The following MMP16 variants were observed in gnomAD, a reference collection of about 807,000 sequenced individuals.
The protein encoded by MMP16 is matrix metallopeptidase 16, also known as matrix metalloproteinase-16.
A neutral mutation model predicts 67.8 loss-of-function variants in MMP16; 12 were observed. The observed-to-expected ratio is 0.18, with a 90% CI of 0.11 to 0.29. The LOEUF is 0.29. MMP16 is among the 10% of genes least tolerant of loss of function. The pLI is 1.00. For synonymous variants in MMP16, 249 were observed against 255.9 expected, an observed-to-expected ratio of 0.97 and a Z score of 0.26; for missense variants, 475 against 765.7, an observed-to-expected ratio of 0.62 and a Z score of 4.48.
At chr8:88,237,598 G>A (rs938913024) in intron 1 of MMP16, among the ~76,000 whole-genome samples, 2 of 151,898 alleles carry the variant, frequency 1.3e-5, no homozygotes, top group Admixed American at 1.3e-4. Flanking sequence ...GCGGTGAACC[G>A]AGATCGCGCC....
chr8:88,044,825 C>T (rs1808178307), intron 9 of MMP16, among the ~76,000 whole-genome samples: 2 of 152,186 alleles, frequency 1.3e-5, no homozygotes, highest in African/African-American at 4.8e-5. Flanking sequence ...TGCTATTTAA[C>T]ACATGTGGAT....
intron 1 of MMP16, among the ~76,000 whole-genome samples, chr8:88,215,262 G>A (rs1262961676): frequency 3.3e-5 from 5 of 151,926 alleles, no homozygotes; most frequent in African/African-American, 1.2e-4. Context: ...CCCAGGAGGC[G>A]GAGGTTGCAG....
intron 1 of MMP16, among the ~76,000 whole-genome samples, chr8:88,326,324 G>A (rs1312608865): frequency 1.3e-5 from 2 of 152,086 alleles, no homozygotes; most frequent in Non-Finnish European, 2.9e-5. Context: ...GCTTTGTGCC[G>A]TCTGTTCCCA....
At position 88,124,668 on chromosome 8, in the gene MMP16, A is replaced by T. The variant is rs141817741; in HGVS notation, c.710-5807T>A. Among the ~76,000 whole-genome samples, 116 of 152,056 alleles carry T rather than the reference A, an allele frequency of 7.6e-4. 1 individual carries two copies. Among genetic ancestry groups the T allele is most frequent in the African/African-American group, 2.7e-3 (113 of 41,504 alleles). ...ATAACAGTATTTCTTTTTTCCACTG[A>T]ACTAATAATAAACTTAATATTTTAA... On this transcript the variant is annotated intron_variant, in intron 4 of 9. Transcript: ENST00000286614.
intron 6 of MMP16, among the ~76,000 whole-genome samples, chr8:88,097,647 A>G (rs1809052340): frequency 1.3e-5 from 2 of 148,702 alleles, no homozygotes; most frequent in South Asian, 4.2e-4. Flanking sequence ...AAAAAAAAAA[A>G]GAATGAAAAC....
At chr8:88,171,276 CA>C (rs1808798663) in intron 3 of MMP16, among the ~76,000 whole-genome samples, 1 of 152,064 alleles carries the variant, frequency 6.6e-6, no homozygotes, top group African/African-American at 2.4e-5. Context: ...ACCTGTACAC[CA>C]AACCCTCATC....
intron 1 of MMP16, among the ~76,000 whole-genome samples, chr8:88,208,993 A>G (rs1418415486): frequency 6.6e-6 from 1 of 152,154 alleles, no homozygotes; most frequent in African/African-American, 2.4e-5. Flanking sequence ...AGAAGACGTA[A>G]AAGAAGCCGT....
In MMP16 at chr8:88,289,112, A is replaced by T. The variant is rs145549957; in HGVS notation, c.132+37963T>A. ...GAATCAGATGGTACAGCCCAGAAAG[A>T]GACAGAGACAGAGACAGAGACAGAG... On this transcript the variant is annotated intron_variant, in intron 1 of 9. Coordinates refer to ENST00000286614, the MANE Select transcript of MMP16 (RefSeq NM_005941.5). Among the ~76,000 whole-genome samples, 759 of 151,190 alleles carry T rather than the reference A, an allele frequency of 5.0e-3. 2 individuals carry two copies. Among genetic ancestry groups the T allele is most frequent in the Middle Eastern group, 0.014 (4 of 292 alleles).
intron 2 of MMP16, among the ~76,000 whole-genome samples, chr8:88,188,474 G>T (rs1809114061): frequency 6.6e-6 from 1 of 151,918 alleles, no homozygotes; most frequent in East Asian, 1.9e-4. Flanking sequence ...TGGATAGTTG[G>T]GTAAAATTTG....
At chr8:88,150,944 C>G (rs1404418060) in intron 4 of MMP16, among the ~76,000 whole-genome samples, 3 of 136,898 alleles carry the variant, frequency 2.2e-5, no homozygotes, top group African/African-American at 5.5e-5. Context: ...CAAGACCCAT[C>G]AGTGTGCTGT....
intron 1 of MMP16, among the ~76,000 whole-genome samples, chr8:88,304,738 A>G (rs1811187441): frequency 6.6e-6 from 1 of 152,244 alleles, no homozygotes; most frequent in Admixed American, 6.5e-5. Context: ...TTTTCAGACA[A>G]GCAAATGCTG....
At chr8:88,164,084 A>T (rs936538571) in intron 4 of MMP16, among the ~76,000 whole-genome samples, 3 of 152,134 alleles carry the variant, frequency 2.0e-5, no homozygotes, top group African/African-American at 7.2e-5. Context: ...TGGCAGCCTA[A>T]GACACTGTTT....
Position 88,046,789 on chromosome 8 carries a change from A to G in MMP16, c.1374-5T>C, listed in dbSNP as rs767362210. On this transcript the variant is annotated splice_region_variant and splice_polypyrimidine_tract_variant and intron_variant, in intron 8 of 9. Transcript: ENST00000286614. ...TCTTCACTATATCTCCAATATCTAC[A>G]AAGGATAAAAACAACAACAACAAAC... 6 of 1,557,004 alleles carry G rather than the reference A, an allele frequency of 3.9e-6. No individual in the cohort carries two copies. The highest frequency in any genetic ancestry group is 5.3e-6 in the Non-Finnish European group (6 of 1,141,418).
intron 1 of MMP16, among the ~76,000 whole-genome samples, chr8:88,250,767 C>CT (rs71277989): frequency 0.19 from 27,505 of 145,580 alleles, 2,658 homozygotes; most frequent in African/African-American, 0.22. Flanking sequence ...TAGTCTTTTT[C>CT]TTTTTTTTTT....
chr8:88,291,436 T>A (rs956740039), intron 1 of MMP16, among the ~76,000 whole-genome samples: 1 of 152,182 alleles, frequency 6.6e-6, no homozygotes, highest in Non-Finnish European at 1.5e-5. Flanking sequence ...TACCAGAAAC[T>A]GCAGGGAGCT....
intron 1 of MMP16, among the ~76,000 whole-genome samples, chr8:88,300,204 G>A (rs964201589): frequency 2.0e-5 from 3 of 152,088 alleles, no homozygotes; most frequent in African/African-American, 4.8e-5. Context: ...GAATCCTATT[G>A]TCTACTCTTC....
intron 4 of MMP16, among the ~76,000 whole-genome samples, chr8:88,120,774 A>C (rs2118442052): frequency 6.6e-6 from 1 of 152,076 alleles, no homozygotes. Context: ...TTCTTTTAGC[A>C]AAACTGATGC....
At chr8:88,211,681 C>G (rs989464996) in intron 1 of MMP16, among the ~76,000 whole-genome samples, 4 of 152,138 alleles carry the variant, frequency 2.6e-5, no homozygotes, top group Non-Finnish European at 5.9e-5. Flanking sequence ...CTCTCTTTTA[C>G]TTATACTTGA....
chr8:88,087,753 G>A (rs1468225065), intron 6 of MMP16, among the ~76,000 whole-genome samples: 1 of 151,434 alleles, frequency 6.6e-6, no homozygotes, highest in Non-Finnish European at 1.5e-5. Flanking sequence ...AGACCAGCTG[G>A]GACAACATAG....
Sources: gnomAD v4.1 joint callset for allele counts (sites outside exome capture counted in the v4.1 genomes callset) on GRCh38, gnomAD v4.1.1 for gene constraint, MANE v1.5 for transcripts, NCBI Gene and HGNC (gene_info 2026-07-23, HGNC 2026-07-21) for gene names.